RBFOX2: variants seen among roughly 807,000 people sequenced by gnomAD.
The protein encoded by RBFOX2 is RNA binding protein fox-1 homolog 2.
Under a neutral mutation model 49.1 loss-of-function variants are expected in RBFOX2, and 10 were observed. That is an observed-to-expected ratio of 0.20 (90% CI 0.13 to 0.35). RBFOX2 has a LOEUF of 0.35. RBFOX2 is among the 10% of genes least tolerant of loss of function. The pLI, the probability that RBFOX2 is intolerant of heterozygous loss-of-function variation, is 1.00. For missense variants in RBFOX2, 323 were observed against 486.9 expected, an observed-to-expected ratio of 0.66 and a Z score of 3.17; for synonymous variants, 183 against 187.4, an observed-to-expected ratio of 0.98 and a Z score of 0.19.
chr22:35,754,089 G>A (rs1936071879), intron 9 of RBFOX2, among the ~76,000 whole-genome samples: 1 of 148,632 alleles, frequency 6.7e-6, no homozygotes, highest in Non-Finnish European at 1.5e-5. Flanking sequence ...GGCCAAAGTA[G>A]GCAAGTCTTT....
At chr22:35,944,952 A>G (rs543679741) in intron 1 of RBFOX2, among the ~76,000 whole-genome samples, 46 of 152,140 alleles carry the variant, frequency 3.0e-4, no homozygotes, top group African/African-American at 4.3e-4. Flanking sequence ...GAAAAACAAC[A>G]ACGACAACAA....
Position 36,007,459 on chromosome 22 carries a change from T to C in RBFOX2, c.186+20781A>G, listed in dbSNP as rs575293899. On this transcript the variant is annotated intron_variant, in intron 1 of 13. Transcript: ENST00000438146. ...CAACTTGACTCATTTCTATGAAAAT[T>C]AGCAAGTTTAAGGACCATAAACCCT... 3.0e-4 allele frequency among the ~76,000 whole-genome samples: 45 copies of C among 152,276 alleles called. No homozygotes were observed. In the South Asian group the frequency reaches 9.3e-3, roughly 32 times the overall value.
chr22:36,013,651 A>AGG (rs1039532263), intron 1 of RBFOX2, among the ~76,000 whole-genome samples: 2 of 146,710 alleles, frequency 1.4e-5, no homozygotes, highest in African/African-American at 5.0e-5. Context: ...ACACACACAG[A>AGG]GAGAGAGAGA....
intron 1 of RBFOX2, among the ~76,000 whole-genome samples, chr22:35,890,336 G>C (rs530243978): frequency 1.2e-4 from 18 of 152,214 alleles, no homozygotes; most frequent in African/African-American, 3.9e-4. Context: ...GTAGATGCCT[G>C]AAACTTTGGG....
intron 1 of RBFOX2, among the ~76,000 whole-genome samples, chr22:35,848,023 T>C (rs962487498): frequency 6.6e-6 from 1 of 152,202 alleles, no homozygotes; most frequent in African/African-American, 2.4e-5. Flanking sequence ...CATACTGTAA[T>C]TATTTTTTCA....
At chr22:35,780,577 C>A (rs1230142618) in intron 3 of RBFOX2, among the ~76,000 whole-genome samples, 1 of 152,098 alleles carries the variant, frequency 6.6e-6, no homozygotes, top group Non-Finnish European at 1.5e-5. Flanking sequence ...TCAGAGGTAG[C>A]AAACCAATCC....
chr22:35,997,139 C>T (rs1044404666), intron 1 of RBFOX2: 1 of 152,240 alleles, frequency 6.6e-6, no homozygotes, highest in South Asian at 2.1e-4. Flanking sequence ...TCTACCTGGT[C>T]TTAACACACC....
intron 1 of RBFOX2, among the ~76,000 whole-genome samples, chr22:35,968,462 T>C (rs1334732421): frequency 6.7e-6 from 1 of 149,806 alleles, no homozygotes; most frequent in Non-Finnish European, 1.5e-5. Context: ...CTTCCAGGTC[T>C]TAAGCACATT....
intron 1 of RBFOX2, among the ~76,000 whole-genome samples, chr22:35,869,211 T>C (rs1351303029): frequency 2.0e-5 from 3 of 152,038 alleles, no homozygotes; most frequent in Non-Finnish European, 4.4e-5. Context: ...GGTTTTGTTG[T>C]TTGTTGTGGT....
intron 1 of RBFOX2, among the ~76,000 whole-genome samples, chr22:35,859,202 A>G (rs905524963): frequency 2.6e-5 from 4 of 152,214 alleles, no homozygotes; most frequent in Non-Finnish European, 4.4e-5. Context: ...TCTCAGGGTG[A>G]AGAAAACCCA....
intron 2 of RBFOX2, among the ~76,000 whole-genome samples, chr22:35,792,012 T>C (rs974905964): frequency 4.6e-5 from 7 of 152,146 alleles, no homozygotes; most frequent in Non-Finnish European, 1.0e-4. Flanking sequence ...GCAATTCAAA[T>C]AGCTTTCAAA....
intron 9 of RBFOX2, among the ~76,000 whole-genome samples, chr22:35,750,883 T>TGAAGAA (rs1934656522): frequency 1.3e-5 from 2 of 152,382 alleles, no homozygotes; most frequent in Admixed American, 6.5e-5. Flanking sequence ...TTCCAGCTTC[T>TGAAGAA]TCAAAGGAAA....
intron 1 of RBFOX2, among the ~76,000 whole-genome samples, chr22:35,955,128 G>A (rs2055397841): frequency 6.6e-6 from 1 of 152,162 alleles, no homozygotes; most frequent in Admixed American, 6.5e-5. Flanking sequence ...ATCCATTCAT[G>A]ACTTAAAGAA....
intron 2 of RBFOX2, among the ~76,000 whole-genome samples, chr22:35,787,881 C>T (rs989813737): frequency 3.9e-5 from 6 of 152,144 alleles, no homozygotes; most frequent in Non-Finnish European, 7.3e-5. Context: ...GGATGGAGTC[C>T]GTTCACCGAC....
intron 1 of RBFOX2, among the ~76,000 whole-genome samples, chr22:35,858,826 CAAA>C (rs771614258): frequency 7.4e-5 from 4 of 53,732 alleles, no homozygotes; most frequent in Non-Finnish European, 1.6e-4. Flanking sequence ...GACTCTGTCT[CAAA>C]AAAAAAAAAA....
chr22:35,906,755 C>T (rs2049167780), intron 1 of RBFOX2, among the ~76,000 whole-genome samples: 1 of 152,058 alleles, frequency 6.6e-6, no homozygotes, highest in Non-Finnish European at 1.5e-5. Context: ...GTGGAGGCTG[C>T]AGTGAGCCAA....
In RBFOX2 at chr22:35,972,958, TG is replaced by T. The variant is rs565993950; in HGVS notation, c.187-34062del. On this transcript the variant is annotated intron_variant, in intron 1 of 13. Coordinates refer to the RBFOX2 transcript ENST00000438146. ...TAAATTCACTACTAAGCTACTGAAA[TG>T]TAACTTGTCCTTTGTGCTCAGTTTT... 7.9e-5 allele frequency among the ~76,000 whole-genome samples: 12 copies of T among 152,340 alleles called. No individual in the cohort carries two copies. In the South Asian group the frequency reaches 2.3e-3, roughly 29 times the overall value.
At chr22:35,804,491 A>G (rs1335096445) in intron 2 of RBFOX2, among the ~76,000 whole-genome samples, 3 of 152,134 alleles carry the variant, frequency 2.0e-5, no homozygotes, top group African/African-American at 7.2e-5. Context: ...AAAATCTTGA[A>G]ATCAGCAAGA....
At chr22:35,984,336 C>T (rs1044965123) in intron 1 of RBFOX2, among the ~76,000 whole-genome samples, 2 of 152,190 alleles carry the variant, frequency 1.3e-5, no homozygotes, top group African/African-American at 4.8e-5. Flanking sequence ...AGAACCTCTG[C>T]CCTATGCCCT....
Sources: allele counts gnomAD v4.1 joint callset (sites outside exome capture counted in the v4.1 genomes callset), GRCh38; gene constraint gnomAD v4.1.1; transcripts MANE v1.5; gene names NCBI Gene and HGNC (gene_info 2026-07-23, HGNC 2026-07-21).